SEPTIN9: variants seen among roughly 807,000 people sequenced by gnomAD.
SEPTIN9 encodes the protein septin-9.
Under a neutral mutation model 56.6 loss-of-function variants are expected in SEPTIN9, and 13 were observed. That is an observed-to-expected ratio of 0.23 (90% confidence interval 0.15 to 0.37). The LOEUF is 0.37. SEPTIN9 is among the 10% of genes least tolerant of loss of function. The probability of loss-of-function intolerance (pLI) is 1.00; values close to 1 mark genes in which losing one functional copy is unlikely to be tolerated. For synonymous variants in SEPTIN9, 332 were observed against 334.1 expected (o/e 0.99, Z 0.07); for missense variants, 650 against 823.1 (o/e 0.79, Z 2.57).
At chr17:77,334,193 C>A (rs1397594524) in intron 2 of SEPTIN9, among the ~76,000 whole-genome samples, 3 of 152,004 alleles carry the variant, frequency 2.0e-5, no homozygotes, top group Non-Finnish European at 2.9e-5. Context: ...GAGGCCGAGG[C>A]GGGCAGATCA....
chr17:77,343,555 G>A (rs570059988), intron 2 of SEPTIN9, among the ~76,000 whole-genome samples: 80 of 152,276 alleles, frequency 5.3e-4, no homozygotes, highest in African/African-American at 1.8e-3. Context: ...GCAAATTATT[G>A]AACCTGAGAA....
At chr17:77,398,319 G>GAAGGCC in intron 2 of SEPTIN9, among the ~76,000 whole-genome samples, 1 of 152,230 alleles carries the variant, frequency 6.6e-6, no homozygotes, top group Non-Finnish European at 1.5e-5. Context: ...AAGGCATGGT[G>GAAGGCC]TCATGGAGTA....
In SEPTIN9 at chr17:77,321,069, C is replaced by T. The variant is rs1415474465; in HGVS notation, c.76+13872C>T. 3.9e-5 allele frequency among the ~76,000 whole-genome samples: 6 copies of T among 152,236 alleles called. No individual in the cohort carries two copies. In the South Asian group the frequency reaches 6.2e-4, roughly 16 times the overall value. ...TGGTCCCTTCACTCACATGCGGTGC[C>T]GTGGCTGCCATCTCACGTGGCCAGC... On this transcript the variant is annotated intron_variant, in intron 2 of 11. Transcript: ENST00000427177.
chr17:77,327,526 G>T lies in SEPTIN9; in HGVS notation c.76+20329G>T, dbSNP rs372654726. Among the ~76,000 whole-genome samples, 592 of 152,324 alleles carry T rather than the reference G, an allele frequency of 3.9e-3. 1 individual carries two copies. Among genetic ancestry groups the T allele is most frequent in the African/African-American group, 0.013 (549 of 41,570 alleles). On this transcript the variant is annotated intron_variant, in intron 2 of 11. Transcript: ENST00000427177. The surrounding 1 kb of genome is among the most constrained non-coding windows in gnomAD (Gnocchi z 5.0). The stretch of plus-strand genomic sequence containing the variant: ...GAGGGGGTCCTGAAGGCCAGGGCAG[G>T]CAAGGCTGGCATGCTCTGGGCAGTG...
Position 77,429,656 on chromosome 17 carries a change from G to A in SEPTIN9, c.721+26953G>A, listed in dbSNP as rs1366185327. 6.6e-6 allele frequency among the ~76,000 whole-genome samples: 1 copy of A among 152,170 alleles called. No individual in the cohort carries two copies. Among genetic ancestry groups the A allele is most frequent in the Non-Finnish European group, 1.5e-5 (1 of 68,028 alleles). On this transcript the variant is annotated intron_variant, in intron 3 of 11. Transcript: ENST00000427177. The surrounding 1 kb of genome is among the most constrained non-coding windows in gnomAD (Gnocchi z 5.2). ...TTGCACAGATGGGGATAATGAGCTG[G>A]AGGGTGCTGGGCAGGAGCTGGCCAG...
In SEPTIN9 at chr17:77,330,573, A is replaced by T. The variant is rs751352290; in HGVS notation, c.76+23376A>T. ...TGTTCACCTGGAAAGGATGGGTAGG[A>T]CTTGGAGACAACAGGGATTCAAAGA... On this transcript the variant is annotated intron_variant, in intron 2 of 11. Transcript: ENST00000427177. This position sits in a 1 kb window ranked among gnomAD's most constrained non-coding sequence, Gnocchi z 4.4. 1.3e-5 allele frequency among the ~76,000 whole-genome samples: 2 copies of T among 152,174 alleles called. No homozygotes were observed. Among genetic ancestry groups the T allele is most frequent in the Non-Finnish European group, 2.9e-5 (2 of 68,014 alleles).
At chr17:77,292,652 C>T (rs887115768) in intron 1 of SEPTIN9, among the ~76,000 whole-genome samples, 2 of 152,124 alleles carry the variant, frequency 1.3e-5, no homozygotes, top group Non-Finnish European at 2.9e-5. Context: ...CGCCACCATG[C>T]CTGGCCAATT....
intron 2 of SEPTIN9, among the ~76,000 whole-genome samples, chr17:77,366,626 C>T (rs1043450459): frequency 1.3e-5 from 2 of 152,206 alleles, no homozygotes; most frequent in Admixed American, 6.5e-5. Flanking sequence ...CCCCTGACCA[C>T]CACCATCCCT....
chr17:77,320,678 C>T (rs2032881596), intron 2 of SEPTIN9, among the ~76,000 whole-genome samples: 1 of 152,194 alleles, frequency 6.6e-6, no homozygotes, highest in South Asian at 2.1e-4. Flanking sequence ...GACCTGCCCC[C>T]CTGGCTCGGG....
intron 3 of SEPTIN9, among the ~76,000 whole-genome samples, chr17:77,463,872 A>G (rs550035035): frequency 6.6e-6 from 1 of 152,226 alleles, no homozygotes; most frequent in African/African-American, 2.4e-5. Flanking sequence ...AAAATTTAAA[A>G]AAAAATAGTA....
chr17:77,460,139 G>A (rs72887163), intron 3 of SEPTIN9, among the ~76,000 whole-genome samples: 2,908 of 148,406 alleles, frequency 0.02, 45 homozygotes, highest in South Asian at 0.045. Context: ...AGGGGACAAC[G>A]TCCAAACCAT....
At position 77,429,210 on chromosome 17, in the gene SEPTIN9, T is replaced by C. The variant is rs542743109; in HGVS notation, c.721+26507T>C. 6 of 471,694 alleles carry C rather than the reference T, an allele frequency of 1.3e-5. No individual in the cohort carries two copies. In the East Asian group the frequency reaches 4.2e-4, roughly 33 times the overall value. The allele number at this position is 471,694 out of a possible 1,614,324, so 29.2% of individuals were successfully genotyped here. A position where few individuals can be genotyped will look rare whatever the true frequency, so the allele number is the denominator to read the frequency against. ...GGCCGAGGCTGAGGCTGAGGCCACC[T>C]TGGTGAGGAGGAAATTGCAGGTGGA... On this transcript the variant is annotated intron_variant, in intron 3 of 11. Coordinates refer to ENST00000427177, the MANE Select transcript of SEPTIN9 (RefSeq NM_001113491.2). The surrounding 1 kb of genome is among the most constrained non-coding windows in gnomAD (Gnocchi z 5.2).
chr17:77,394,713 C>T (rs1183254662), intron 2 of SEPTIN9, among the ~76,000 whole-genome samples: 2 of 152,194 alleles, frequency 1.3e-5, no homozygotes, highest in Non-Finnish European at 2.9e-5. Flanking sequence ...ATATGTACAC[C>T]AGGAAGTGCT....
intron 2 of SEPTIN9, among the ~76,000 whole-genome samples, chr17:77,328,310 T>G (rs2033225427): frequency 6.6e-6 from 1 of 152,244 alleles, no homozygotes; most frequent in African/African-American, 2.4e-5. Context: ...GAGTTCATCT[T>G]GTGCTCTTAA....
intron 1 of SEPTIN9, among the ~76,000 whole-genome samples, chr17:77,300,153 A>G (rs893678376): frequency 1.3e-5 from 2 of 152,102 alleles, no homozygotes; most frequent in African/African-American, 4.8e-5. Flanking sequence ...GTTGGAGTGC[A>G]GTGGCATGAT....
Position 77,445,285 on chromosome 17 carries a change from C to G in SEPTIN9, c.722-36859C>G. On this transcript the variant is annotated intron_variant, in intron 3 of 11. Transcript: ENST00000427177. The surrounding 1 kb of genome is among the most constrained non-coding windows in gnomAD (Gnocchi z 4.7). ...CATTCCTGCTCCCCAGCCCTTTCCT[C>G]CGCACCCCCATGCAGAAGCGCGGCC... 1 of 467,922 alleles carries G rather than the reference C, an allele frequency of 2.1e-6. No individual in the cohort carries two copies. Among genetic ancestry groups the G allele is most frequent in the East Asian group, 6.9e-5 (1 of 14,390 alleles). 29.0% of individuals were successfully genotyped at this position (467,922 alleles called of 1,614,324 possible).
At chr17:77,284,269 C>A (rs1373995426) in intron 1 of SEPTIN9, among the ~76,000 whole-genome samples, 1 of 152,220 alleles carries the variant, frequency 6.6e-6, no homozygotes, top group African/African-American at 2.4e-5. Flanking sequence ...AGACACGGCA[C>A]TCCAGCCTGG....
chr17:77,293,500 A>G (rs1347426745), intron 1 of SEPTIN9, among the ~76,000 whole-genome samples: 3 of 152,156 alleles, frequency 2.0e-5, no homozygotes, highest in African/African-American at 7.2e-5. Flanking sequence ...AAAGGCGGGG[A>G]ACTAGTTACA....
intron 2 of SEPTIN9, among the ~76,000 whole-genome samples, chr17:77,381,279 A>C (rs920718935): frequency 5.9e-5 from 9 of 152,292 alleles, no homozygotes; most frequent in African/African-American, 2.2e-4. Flanking sequence ...GCCTGGACAG[A>C]GCCACCTAGC....
Sources: allele counts gnomAD v4.1 joint callset (sites outside exome capture counted in the v4.1 genomes callset), GRCh38; gene constraint gnomAD v4.1.1; non-coding constraint Gnocchi (gnomAD v3.1); transcripts MANE v1.5; gene names NCBI Gene and HGNC (gene_info 2026-07-23, HGNC 2026-07-21).